The following SRPK1 variants were observed in gnomAD, a reference collection of about 807,000 sequenced individuals.
The protein encoded by SRPK1 is SFRS protein kinase 1.
Under a neutral mutation model 89.5 loss-of-function variants are expected in SRPK1, and 52 were observed. That is an observed-to-expected ratio of 0.58 (90% CI 0.46 to 0.73). The LOEUF is 0.73. SRPK1 is among the 30% of genes least tolerant of loss of function. The pLI is 0.00. For synonymous variants in SRPK1, 255 were observed against 270.2 expected (o/e 0.94, Z 0.55); for missense variants, 603 against 780.6 (o/e 0.77, Z 2.71).
chr6:35,891,910 T>G (rs1770526663), intron 2 of SRPK1, among the ~76,000 whole-genome samples: 1 of 152,184 alleles, frequency 6.6e-6, no homozygotes, highest in Admixed American at 6.5e-5. Flanking sequence ...AACTACTAAG[T>G]AGGGGTTAAA....
intron 2 of SRPK1, among the ~76,000 whole-genome samples, chr6:35,897,045 A>G (rs992788066): frequency 3.3e-5 from 5 of 152,240 alleles, no homozygotes; most frequent in African/African-American, 1.2e-4. Flanking sequence ...AGCGGTTGCC[A>G]GGGTCTGAGT....
intron 13 of SRPK1, among the ~76,000 whole-genome samples, chr6:35,854,444 T>A (rs1275292240): frequency 2.6e-5 from 4 of 152,200 alleles, no homozygotes; most frequent in Non-Finnish European, 4.4e-5. Context: ...ATGATCAAAT[T>A]TAAAGCAACA....
At chr6:35,879,664 A>G (rs1379148149) in intron 6 of SRPK1, among the ~76,000 whole-genome samples, 1 of 152,248 alleles carries the variant, frequency 6.6e-6, no homozygotes, top group Non-Finnish European at 1.5e-5. Context: ...CACAAGGCAT[A>G]TGAAGAAATA....
intron 2 of SRPK1, among the ~76,000 whole-genome samples, chr6:35,906,535 A>C (rs553206147): frequency 7.2e-5 from 11 of 152,282 alleles, no homozygotes; most frequent in South Asian, 6.2e-4. Context: ...AAAAACATTA[A>C]GTAAAAGAAG....
chr6:35,920,267 T>C, intron 2 of SRPK1: 1 of 653,498 alleles, frequency 1.5e-6, no homozygotes, highest in Non-Finnish European at 2.8e-6. Flanking sequence ...GGCCCGGGGC[T>C]GCTAAGACCC....
intron 13 of SRPK1, among the ~76,000 whole-genome samples, chr6:35,847,452 C>T (rs997849245): frequency 2.6e-5 from 4 of 152,164 alleles, no homozygotes; most frequent in African/African-American, 9.7e-5. Context: ...CAGTGATCCT[C>T]CTGCCTCAGC....
chr6:35,846,579 A>G (rs1164187313), intron 13 of SRPK1, among the ~76,000 whole-genome samples: 2 of 152,016 alleles, frequency 1.3e-5, no homozygotes, highest in Non-Finnish European at 2.9e-5. Context: ...AAGACTAAAA[A>G]AATCAGAAAT....
intron 2 of SRPK1, among the ~76,000 whole-genome samples, chr6:35,897,060 C>T (rs1050891146): frequency 6.6e-6 from 1 of 152,050 alleles, no homozygotes; most frequent in Non-Finnish European, 1.5e-5. Context: ...CTGAGTAAAG[C>T]GAGTAATGGT....
intron 14 of SRPK1, chr6:35,838,928 G>C (rs1049398048): frequency 1.3e-5 from 13 of 969,564 alleles, no homozygotes; most frequent in Non-Finnish European, 1.8e-5. Flanking sequence ...AAGGAAGACT[G>C]ACTGGGAAGG....
intron 14 of SRPK1, among the ~76,000 whole-genome samples, chr6:35,839,269 G>T (rs955883812): frequency 6.6e-6 from 1 of 152,120 alleles, no homozygotes; most frequent in Non-Finnish European, 1.5e-5. Flanking sequence ...TCCTGCCTTG[G>T]CCTCCCGAAG....
intron 2 of SRPK1, among the ~76,000 whole-genome samples, chr6:35,893,314 A>G (rs892193335): frequency 1.3e-5 from 2 of 152,112 alleles, no homozygotes; most frequent in Admixed American, 6.5e-5. Flanking sequence ...GTGAAACCTC[A>G]TCATTAAGAA....
intron 5 of SRPK1, chr6:35,887,761 T>G (rs1371449006): frequency 3.3e-6 from 1 of 302,074 alleles, no homozygotes; most frequent in African/African-American, 2.2e-5. Flanking sequence ...TAAAACATGC[T>G]CAGTGAATAT....
At chr6:35,873,250 C>G (rs1006155455) in intron 7 of SRPK1, among the ~76,000 whole-genome samples, 1 of 152,120 alleles carries the variant, frequency 6.6e-6, no homozygotes, top group African/African-American at 2.4e-5. Context: ...GCCTATGAAT[C>G]ATGCTGTATA....
At chr6:35,867,690 G>A (rs370908545) in intron 12 of SRPK1, among the ~76,000 whole-genome samples, 2 of 151,924 alleles carry the variant, frequency 1.3e-5, no homozygotes, top group African/African-American at 2.4e-5. Flanking sequence ...GCTGGCGCAC[G>A]CCTGTAATCA....
chr6:35,848,567 C>T (rs1161042597), intron 13 of SRPK1, among the ~76,000 whole-genome samples: 4 of 152,076 alleles, frequency 2.6e-5, no homozygotes, highest in African/African-American at 9.7e-5. Flanking sequence ...AAAACAAGAA[C>T]AAAGCTGGAG....
intron 8 of SRPK1, among the ~76,000 whole-genome samples, chr6:35,871,272 A>G (rs1770030645): frequency 6.6e-6 from 1 of 152,184 alleles, no homozygotes; most frequent in African/African-American, 2.4e-5. Flanking sequence ...ACAAGCAACA[A>G]CCTCTTCACC....
At chr6:35,863,419 C>T (rs1046521886) in intron 12 of SRPK1, among the ~76,000 whole-genome samples, 1 of 148,770 alleles carries the variant, frequency 6.7e-6, no homozygotes, top group Non-Finnish European at 1.5e-5. Flanking sequence ...ATGACACCAC[C>T]TCATTTCTAC....
chr6:35,886,769 C>G lies in SRPK1; in HGVS notation c.433G>C (p.Val145Leu), dbSNP rs1410827035. 6.2e-7 allele frequency: 1 copy of G among 1,611,426 alleles called. No individual in the cohort carries two copies. The highest frequency in any genetic ancestry group is 1.7e-5 in the Admixed American group (1 of 59,944). Reference protein sequence around the residue: ...DPNDPNREMVVQLLDDFKISG... With the variant: ...DPNDPNREMVLQLLDDFKISG... ...ATTTTAAAGTCATCTAGTAGTTGAA[C>G]AACCATTTCTCTATTTGGATCATTA... Residue 145 changes from valine (V) to leucine (L), a missense_variant, in exon 6 of 16, where the codon GTT becomes CTT. Physicochemically the swap from Val to Leu is conservative, Grantham distance 32. Transcript: ENST00000373825.
intron 2 of SRPK1, among the ~76,000 whole-genome samples, chr6:35,905,237 C>T (rs1289724614): frequency 6.6e-6 from 1 of 152,120 alleles, no homozygotes; most frequent in Non-Finnish European, 1.5e-5. Context: ...GTTGAAAAAG[C>T]TGAAGACGTG....
Sources: allele counts gnomAD v4.1 joint callset (sites outside exome capture counted in the v4.1 genomes callset), GRCh38; gene constraint gnomAD v4.1.1; transcripts MANE v1.5; gene names NCBI Gene and HGNC (gene_info 2026-07-23, HGNC 2026-07-21).